ADGRL3: variants seen among roughly 807,000 people sequenced by gnomAD.
ADGRL3 encodes the protein calcium-independent alpha-latrotoxin receptor 3.
Under a neutral mutation model 153.5 loss-of-function variants are expected in ADGRL3, and 62 were observed. The ratio of observed to expected loss-of-function variants is 0.40; its 90% CI spans 0.33 to 0.50. The LOEUF (loss-of-function observed/expected upper bound fraction) is 0.50, where lower values mean the gene tolerates loss of function less well. Among genes scored for constraint, ADGRL3 ranks in the 20% least tolerant of loss-of-function variants. The pLI is 0.47. For missense variants in ADGRL3, 1,641 were observed against 1,859.4 expected, an observed-to-expected ratio of 0.88 and a Z score of 2.16; for synonymous variants, 710 against 672.5, an observed-to-expected ratio of 1.06 and a Z score of -0.86.
chr4:61,215,976 A>C (rs1742607904), intron 1 of ADGRL3, among the ~76,000 whole-genome samples: 1 of 152,114 alleles, frequency 6.6e-6, no homozygotes, highest in African/African-American at 2.4e-5. Context: ...TGTAAGTAGA[A>C]GATAGGATGG....
At chr4:61,798,050 G>A (rs1031017810) in intron 8 of ADGRL3, among the ~76,000 whole-genome samples, 2 of 152,040 alleles carry the variant, frequency 1.3e-5, no homozygotes, top group Non-Finnish European at 2.9e-5. Flanking sequence ...GTTTAGAAAA[G>A]GTATCTTGAT....
At chr4:61,689,364 T>C (rs2095500651) in intron 6 of ADGRL3, among the ~76,000 whole-genome samples, 1 of 152,150 alleles carries the variant, frequency 6.6e-6, no homozygotes. Flanking sequence ...ATTATATGAG[T>C]CTTGACATAC....
At chr4:61,416,563 G>A (rs944994787) in intron 2 of ADGRL3, among the ~76,000 whole-genome samples, 1 of 152,142 alleles carries the variant, frequency 6.6e-6, no homozygotes, top group African/African-American at 2.4e-5. Context: ...TAAAAGTTGA[G>A]AATAAGCTTT....
rs1746308232 is a variant in ADGRL3 at position 62,073,567 on chromosome 4, G to T, written c.*2659G>T. 1 of 152,112 alleles carries T rather than the reference G, an allele frequency of 6.6e-6. No individual in the cohort carries two copies. Among genetic ancestry groups the T allele is most frequent in the Non-Finnish European group, 1.5e-5 (1 of 68,000 alleles). The allele number at this position is 152,112 out of a possible 1,614,324, so 9.4% of individuals were successfully genotyped here. A position where few individuals can be genotyped will look rare whatever the true frequency, so the allele number is the denominator to read the frequency against. On this transcript the variant is annotated 3_prime_UTR_variant, in exon 27 of 27. Coordinates refer to ENST00000683033, the MANE Select transcript of ADGRL3 (RefSeq NM_001387552.1). ...AACCTACATGAAAGCAACTCTATCA[G>T]TAAGAAGCTGGTTTCACAGAAAAAT...
At position 61,217,856 on chromosome 4, in the gene ADGRL3, A is replaced by G. The variant is rs550654658; in HGVS notation, c.-240+16091A>G. Among the ~76,000 whole-genome samples, 5 of 152,314 alleles carry G rather than the reference A, an allele frequency of 3.3e-5. No individual in the cohort carries two copies. In the South Asian group the frequency reaches 1.0e-3, roughly 32 times the overall value. On this transcript the variant is annotated intron_variant, in intron 1 of 26. Coordinates refer to ENST00000683033, the MANE Select transcript of ADGRL3 (RefSeq NM_001387552.1). ...TTTGTCCCTGAGAAACGCTGTAGAA[A>G]TAGAGGAGCCAGCTTTAGGAATACC...
At chr4:61,473,209 TTGTG>T (rs35633555) in intron 2 of ADGRL3, among the ~76,000 whole-genome samples, 4,557 of 149,182 alleles carry the variant, frequency 0.031, 232 homozygotes, top group African/African-American at 0.1. Context: ...TTGTATGTGT[TTGTG>T]TGTGTGTGTG....
At chr4:61,304,888 G>A (rs1353882201) in intron 1 of ADGRL3, among the ~76,000 whole-genome samples, 1 of 152,186 alleles carries the variant, frequency 6.6e-6, no homozygotes, top group Non-Finnish European at 1.5e-5. Flanking sequence ...CACCTAAAGT[G>A]ATTCTGATAG....
chr4:61,361,903 CAAA>C (rs2096287375), intron 1 of ADGRL3, among the ~76,000 whole-genome samples: 1 of 145,126 alleles, frequency 6.9e-6, no homozygotes, highest in Non-Finnish European at 1.5e-5. Context: ...TATTTAGAAA[CAAA>C]GAAGATAAGA....
intron 5 of ADGRL3, among the ~76,000 whole-genome samples, chr4:61,671,729 G>T (rs1227342829): frequency 6.6e-6 from 1 of 152,050 alleles, no homozygotes; most frequent in African/African-American, 2.4e-5. Context: ...TATTTCATCA[G>T]ATCATCATAG....
chr4:61,871,094 C>G (rs576845813), intron 9 of ADGRL3, among the ~76,000 whole-genome samples: 5 of 150,130 alleles, frequency 3.3e-5, no homozygotes, highest in African/African-American at 7.5e-5. Flanking sequence ...CTGGCTAACA[C>G]GGTGAAACCC....
At chr4:61,374,524 G>A (rs2096580700) in intron 1 of ADGRL3, among the ~76,000 whole-genome samples, 1 of 152,000 alleles carries the variant, frequency 6.6e-6, no homozygotes, top group Non-Finnish European at 1.5e-5. Context: ...GGAACATGAA[G>A]CACATTTTTA....
chr4:61,934,908 G>C lies in ADGRL3; in HGVS notation c.2181G>C (p.Thr727=). The change falls in exon 14 of 27, where the codon ACG becomes ACC. Residue 727 remains threonine, a synonymous_variant. Transcript: ENST00000683033. ...QALNAWRDLT[T]SDQLRAATML... ...TGAATGCATGGAGAGACCTGACTACGAGTGATCAGCTGCGTGCGGCCACCA... is the reference window on the plus strand; with the variant it reads ...TGAATGCATGGAGAGACCTGACTACCAGTGATCAGCTGCGTGCGGCCACCA... 6.2e-7 allele frequency: 1 copy of C among 1,613,776 alleles called. No homozygotes were observed. The highest frequency in any genetic ancestry group is 8.5e-7 in the Non-Finnish European group (1 of 1,179,806).
chr4:62,074,925 T>G lies in ADGRL3; in HGVS notation c.*4017T>G, dbSNP rs964813208. The G allele has an allele frequency of 6.6e-5, 10 of 152,130 alleles. No homozygotes were observed. The highest frequency in any genetic ancestry group is 2.4e-4 in the African/African-American group (10 of 41,434). 9.4% of individuals were successfully genotyped at this position (152,130 alleles called of 1,614,324 possible). A position where few individuals can be genotyped will look rare whatever the true frequency, so the allele number is the denominator to read the frequency against. Reference sequence around the variant, plus strand: ...TATAAAGGACCCACATATTTAATTTTAGGCATTGTCTTCAGCTTCCCTGGA... The same window carrying G: ...TATAAAGGACCCACATATTTAATTTGAGGCATTGTCTTCAGCTTCCCTGGA... On this transcript the variant is annotated 3_prime_UTR_variant, in exon 27 of 27. Transcript: ENST00000683033.
At chr4:61,706,904 C>T (rs560143355) in intron 6 of ADGRL3, among the ~76,000 whole-genome samples, 10 of 152,186 alleles carry the variant, frequency 6.6e-5, no homozygotes, top group Non-Finnish European at 1.3e-4. Context: ...GTCTAACTTT[C>T]AGCCTATTTC....
At chr4:61,500,727 T>G (rs1440405278) in intron 3 of ADGRL3, among the ~76,000 whole-genome samples, 1 of 152,212 alleles carries the variant, frequency 6.6e-6, no homozygotes, top group Non-Finnish European at 1.5e-5. Context: ...ACTGATTTTA[T>G]AGCCATAAAC....
At chr4:61,426,610 G>A (rs2097285439) in intron 2 of ADGRL3, 1 of 152,216 alleles carries the variant, frequency 6.6e-6, no homozygotes, top group Admixed American at 6.5e-5. Flanking sequence ...GCCAACACTG[G>A]GGAGAGTGGA....
intron 21 of ADGRL3, among the ~76,000 whole-genome samples, chr4:62,014,285 A>G (rs538374867): frequency 1.3e-5 from 2 of 152,262 alleles, no homozygotes; most frequent in East Asian, 1.9e-4. Context: ...AAGTGCTGCC[A>G]GTGGGCAACA....
At chr4:61,778,395 G>C (rs1050723536) in intron 8 of ADGRL3, among the ~76,000 whole-genome samples, 2 of 152,150 alleles carry the variant, frequency 1.3e-5, no homozygotes, top group Admixed American at 6.5e-5. Flanking sequence ...GCTTTCACCA[G>C]TTGTTTGTAA....
At chr4:61,670,517 G>A (rs1411276802) in intron 5 of ADGRL3, among the ~76,000 whole-genome samples, 1 of 152,062 alleles carries the variant, frequency 6.6e-6, no homozygotes, top group Non-Finnish European at 1.5e-5. Context: ...ACACCATTTT[G>A]TTGCAGTCTT....
Sources: gnomAD v4.1 joint callset for allele counts (sites outside exome capture counted in the v4.1 genomes callset) on GRCh38, gnomAD v4.1.1 for gene constraint, MANE v1.5 for transcripts, NCBI Gene and HGNC (gene_info 2026-07-23, HGNC 2026-07-21) for gene names.